Variants in PCCA observed in about 807,000 individuals in gnomAD.
PCCA encodes the protein propionyl-CoA carboxylase subunit alpha, also known as propionyl-CoA carboxylase alpha chain, mitochondrial.
Under a neutral mutation model 101.3 loss-of-function variants are expected in PCCA, and 74 were observed. The observed-to-expected ratio is 0.73, with a 90% CI of 0.61 to 0.89. The LOEUF is 0.89. Ranked by LOEUF, PCCA falls within the 40% of genes least tolerant of loss-of-function variation. PCCA has a pLI of 0.00. For synonymous variants in PCCA, 294 were observed against 313.6 expected (o/e 0.94, Z 0.66); for missense variants, 891 against 907.0 (o/e 0.98, Z 0.23).
chr13:100,400,068 G>A (rs1231714172), intron 19 of PCCA, among the ~76,000 whole-genome samples: 1 of 152,214 alleles, frequency 6.6e-6, no homozygotes, highest in Non-Finnish European at 1.5e-5. Context: ...ACAAAAGGAC[G>A]ACTGGGACTT....
At chr13:100,451,986 CTTTT>C (rs771616628) in intron 21 of PCCA, among the ~76,000 whole-genome samples, 2 of 25,810 alleles carry the variant, frequency 7.7e-5, no homozygotes, top group African/African-American at 4.3e-4. Context: ...CCCTCTCTCT[CTTTT>C]CTCCCTCTCT....
chr13:100,245,523 A>G (rs1267410577), intron 8 of PCCA, among the ~76,000 whole-genome samples: 1 of 152,196 alleles, frequency 6.6e-6, no homozygotes, highest in East Asian at 1.9e-4. Context: ...TAGGGTGAGA[A>G]GGAGGCATTT....
At chr13:100,129,465 C>T (rs975197183) in intron 4 of PCCA, among the ~76,000 whole-genome samples, 35 of 152,224 alleles carry the variant, frequency 2.3e-4, no homozygotes, top group African/African-American at 7.7e-4. Flanking sequence ...TTCTCCCTTC[C>T]CTTTGCTTCC....
chr13:100,333,096 T>G (rs1473537792), intron 17 of PCCA, among the ~76,000 whole-genome samples: 1 of 152,252 alleles, frequency 6.6e-6, no homozygotes, highest in Non-Finnish European at 1.5e-5. Flanking sequence ...TATTTGCCAT[T>G]CTTAATGTCT....
At chr13:100,101,338 G>T (rs1190497445) in intron 1 of PCCA, among the ~76,000 whole-genome samples, 1 of 152,160 alleles carries the variant, frequency 6.6e-6, no homozygotes, top group African/African-American at 2.4e-5. Context: ...GCCTCAGCCT[G>T]TGACCTTTGA....
chr13:100,444,250 G>C (rs527848724), intron 20 of PCCA, among the ~76,000 whole-genome samples: 27 of 147,020 alleles, frequency 1.8e-4, no homozygotes, highest in Middle Eastern at 3.5e-3. Context: ...CTCCCAGGCT[G>C]AAGTGCAGTG....
At chr13:100,483,673 G>A (rs1229615350) in intron 21 of PCCA, among the ~76,000 whole-genome samples, 11 of 152,212 alleles carry the variant, frequency 7.2e-5, no homozygotes, top group Admixed American at 7.2e-4. Context: ...TCAGTCTAGA[G>A]TTAGGAAGTG....
intron 14 of PCCA, 48 bp from the exon 15 acceptor site, chr13:100,307,144 T>C: frequency 7.4e-7 from 1 of 1,356,596 alleles, no homozygotes; most frequent in Admixed American, 1.7e-5. Flanking sequence ...TACAAAAAAA[T>C]ATCTACACAA....
rs202065212 is a variant in PCCA, at chr13:100,113,161, T to TAC, written c.300+1105_300+1106dup. On this transcript the variant is annotated intron_variant, in intron 4 of 23. Coordinates refer to ENST00000376285, the MANE Select transcript of PCCA (RefSeq NM_000282.4). ...CACAAACCTTGATGATACAGCCTAG[T>TAC]ACACACCTATATAGTATAGCCTATT... is the stretch of plus-strand genomic sequence containing the variant. 7.6e-3 allele frequency among the ~76,000 whole-genome samples: 1,160 copies of TAC among 152,326 alleles called. 5 individuals carry two copies. The highest frequency in any genetic ancestry group is 0.013 in the Non-Finnish European group (864 of 68,026).
At chr13:100,364,233 A>G (rs1480582310) in intron 18 of PCCA, among the ~76,000 whole-genome samples, 1 of 152,242 alleles carries the variant, frequency 6.6e-6, no homozygotes, top group Non-Finnish European at 1.5e-5. Context: ...TATCATTACT[A>G]TGGTGAGTTG....
intron 21 of PCCA, among the ~76,000 whole-genome samples, chr13:100,513,724 C>T (rs1311019185): frequency 1.3e-5 from 2 of 152,108 alleles, no homozygotes; most frequent in Non-Finnish European, 1.5e-5. Context: ...ATTTTGAAGT[C>T]GAATTCTGCA....
intron 12 of PCCA, among the ~76,000 whole-genome samples, chr13:100,282,861 C>G (rs182402269): frequency 1.4e-4 from 22 of 152,250 alleles, no homozygotes; most frequent in Middle Eastern, 6.8e-3. Flanking sequence ...ATCCTAGCCT[C>G]CCTATAGCTC....
At chr13:100,178,664 G>A (rs970653696) in intron 6 of PCCA, among the ~76,000 whole-genome samples, 1 of 152,020 alleles carries the variant, frequency 6.6e-6, no homozygotes, top group Non-Finnish European at 1.5e-5. Context: ...CGGAGGGTGG[G>A]GACGGAGATA....
chr13:100,348,810 TCC>T (rs2072794957), intron 18 of PCCA, among the ~76,000 whole-genome samples: 1 of 78,280 alleles, frequency 1.3e-5, no homozygotes, highest in Non-Finnish European at 2.7e-5. Context: ...CTTCCTTCCT[TCC>T]TTCCTTTCTT....
chr13:100,132,145 T>A (rs2050577536), intron 4 of PCCA, among the ~76,000 whole-genome samples: 6 of 152,162 alleles, frequency 3.9e-5, no homozygotes, highest in Admixed American at 3.9e-4. Flanking sequence ...TGTAGTTGTG[T>A]TTGTTTTTTA....
intron 20 of PCCA, among the ~76,000 whole-genome samples, chr13:100,448,077 G>A (rs1489882960): frequency 6.6e-6 from 1 of 152,248 alleles, no homozygotes; most frequent in Admixed American, 6.5e-5. Context: ...GGCTTAGTTA[G>A]AACTGCTTTA....
chr13:100,268,498 TTTA>T (rs2152572004), intron 10 of PCCA, 188 bp from the exon 11 acceptor site: 1 of 653,316 alleles, frequency 1.5e-6, no homozygotes, highest in East Asian at 2.8e-5. Flanking sequence ...ATAAAAATGT[TTTA>T]TTGAGCTTTG....
intron 16 of PCCA, among the ~76,000 whole-genome samples, chr13:100,324,140 C>T (rs1281978116): frequency 6.6e-6 from 1 of 152,238 alleles, no homozygotes; most frequent in Non-Finnish European, 1.5e-5. Flanking sequence ...CAGTCACCTG[C>T]TCTTCTTGTG....
In PCCA at chr13:100,115,647, C is replaced by T. The variant is rs529391567; in HGVS notation, c.300+3586C>T. 1.8e-4 allele frequency among the ~76,000 whole-genome samples: 28 copies of T among 152,178 alleles called. No homozygotes were observed. In the South Asian group the frequency reaches 5.6e-3, roughly 30 times the overall value. ...CTGAAATGTAGATGCAGTACATTAC[C>T]GACCAAGCTGTCATATGGCGCATGA... On this transcript the variant is annotated intron_variant, in intron 4 of 23. Coordinates refer to ENST00000376285, the MANE Select transcript of PCCA (RefSeq NM_000282.4).
Sources: gnomAD v4.1 joint callset for allele counts (sites outside exome capture counted in the v4.1 genomes callset) on GRCh38, gnomAD v4.1.1 for gene constraint, MANE v1.5 for transcripts, NCBI Gene and HGNC (gene_info 2026-07-23, HGNC 2026-07-21) for gene names.